The following VSNL1 variants were observed in gnomAD, a reference collection of about 807,000 sequenced individuals.
VSNL1 encodes the protein visinin like 1, also known as visinin-like protein 1.
Under a neutral mutation model 20.4 loss-of-function variants are expected in VSNL1, and 6 were observed. The ratio of observed to expected loss-of-function variants is 0.29; its 90% CI spans 0.16 to 0.58. VSNL1 has a LOEUF of 0.58. VSNL1 is among the 20% of genes least tolerant of loss of function. The pLI, the probability that VSNL1 is intolerant of heterozygous loss-of-function variation, is 0.90. For synonymous variants in VSNL1, 93 were observed against 86.4 expected (o/e 1.08, Z -0.42); for missense variants, 100 against 234.5 (o/e 0.43, Z 3.75).
At chr2:17,555,682 A>G (rs10178391) in intron 1 of VSNL1, among the ~76,000 whole-genome samples, 4,710 of 152,126 alleles carry the variant, frequency 0.031, 230 homozygotes, top group African/African-American at 0.11. Context: ...ATTTCTAATC[A>G]TTTTTTCTCC....
At chr2:17,623,141 T>A (rs923886203) in intron 2 of VSNL1, among the ~76,000 whole-genome samples, 4 of 152,182 alleles carry the variant, frequency 2.6e-5, no homozygotes, top group Non-Finnish European at 5.9e-5. Context: ...ACAAATGCTA[T>A]AAATACTTCA....
At chr2:17,591,004 C>A (rs1051235110) in intron 1 of VSNL1, among the ~76,000 whole-genome samples, 4 of 151,756 alleles carry the variant, frequency 2.6e-5, no homozygotes, top group Non-Finnish European at 5.9e-5. Context: ...TAGCAATAGT[C>A]TTATTATTAT....
chr2:17,555,675 T>C (rs1027227285), intron 1 of VSNL1, among the ~76,000 whole-genome samples: 1 of 152,136 alleles, frequency 6.6e-6, no homozygotes, highest in Non-Finnish European at 1.5e-5. Flanking sequence ...TAAATAAATT[T>C]CTAATCATTT....
chr2:17,580,047 C>T (rs150223305), intron 1 of VSNL1, among the ~76,000 whole-genome samples: 318 of 152,264 alleles, frequency 2.1e-3, no homozygotes, highest in African/African-American at 7.4e-3. Flanking sequence ...CTCTGAGGCT[C>T]AGTTTTGTCT....
intron 1 of VSNL1, among the ~76,000 whole-genome samples, chr2:17,554,008 C>T (rs1663614434): frequency 6.6e-6 from 1 of 152,110 alleles, no homozygotes; most frequent in Non-Finnish European, 1.5e-5. Flanking sequence ...CTGGGTAGAT[C>T]TAAAACCATG....
intron 2 of VSNL1, among the ~76,000 whole-genome samples, chr2:17,631,835 C>T (rs2103412618): frequency 6.6e-6 from 1 of 152,306 alleles, no homozygotes; most frequent in East Asian, 1.9e-4. Context: ...GAATGCAGAA[C>T]CATACACAGG....
At chr2:17,614,140 C>T (rs1053572632) in intron 2 of VSNL1, among the ~76,000 whole-genome samples, 4 of 152,146 alleles carry the variant, frequency 2.6e-5, no homozygotes, top group Admixed American at 6.5e-5. Context: ...ACCAGGAAGT[C>T]CTTCAGTGTG....
intron 3 of VSNL1, among the ~76,000 whole-genome samples, chr2:17,653,340 A>G (rs957470142): frequency 2.0e-5 from 3 of 152,134 alleles, no homozygotes; most frequent in Non-Finnish European, 4.4e-5. Flanking sequence ...TTAATAGTGC[A>G]CTTGTTTTGC....
chr2:17,616,426 G>A (rs977542420), intron 2 of VSNL1, among the ~76,000 whole-genome samples: 1 of 152,218 alleles, frequency 6.6e-6, no homozygotes, highest in African/African-American at 2.4e-5. Context: ...TTATGAAATG[G>A]CATAGTGTAG....
At chr2:17,606,935 C>T (rs959663315) in intron 2 of VSNL1, among the ~76,000 whole-genome samples, 3 of 152,124 alleles carry the variant, frequency 2.0e-5, no homozygotes, top group South Asian at 2.1e-4. Flanking sequence ...TGGATTTTAT[C>T]GTGTCTGTGT....
chr2:17,610,941 G>T (rs1451068413), intron 2 of VSNL1, among the ~76,000 whole-genome samples: 2 of 152,174 alleles, frequency 1.3e-5, no homozygotes, highest in Non-Finnish European at 2.9e-5. Context: ...GGCATTTTCT[G>T]ATCCTGCTGG....
chr2:17,625,160 C>T (rs1307362079), intron 2 of VSNL1, among the ~76,000 whole-genome samples: 1 of 152,204 alleles, frequency 6.6e-6, no homozygotes, highest in Non-Finnish European at 1.5e-5. Context: ...CCATGTAAGA[C>T]AGGACTTGTT....
chr2:17,568,423 A>G (rs193078060), intron 1 of VSNL1, among the ~76,000 whole-genome samples: 3 of 152,170 alleles, frequency 2.0e-5, no homozygotes, highest in Non-Finnish European at 4.4e-5. Context: ...ACATGCCACT[A>G]TGCCAGACAA....
At chr2:17,635,812 T>C (rs1665735340) in intron 2 of VSNL1, among the ~76,000 whole-genome samples, 1 of 152,170 alleles carries the variant, frequency 6.6e-6, no homozygotes, top group Non-Finnish European at 1.5e-5. Context: ...TGCCTGACAC[T>C]GTACAAAATG....
rs1012130070 is a variant in VSNL1 at position 17,616,309 on chromosome 2, T to C, written c.162+24073T>C. ...CAAGAGTGAAGCCCAGCAGGTTCCA[T>C]GTGGCTTCTTGACTCTGCGTGGCCC... On this transcript the variant is annotated intron_variant, in intron 2 of 3. Transcript: ENST00000295156. 4.0e-4 allele frequency among the ~76,000 whole-genome samples: 61 copies of C among 152,250 alleles called. 1 individual carries two copies. The highest frequency in any genetic ancestry group is 1.2e-4 in the Non-Finnish European group (8 of 68,038).
intron 1 of VSNL1, among the ~76,000 whole-genome samples, chr2:17,564,144 ATTTG>A (rs1663881167): frequency 6.6e-6 from 1 of 152,154 alleles, no homozygotes; most frequent in African/African-American, 2.4e-5. Context: ...GCTTTCTTTT[ATTTG>A]TTCTGGCCTA....
At position 17,585,058 on chromosome 2, in the gene VSNL1, A is replaced by T. The variant is rs187221640; in HGVS notation, c.-5-7012A>T. 3.9e-3 allele frequency among the ~76,000 whole-genome samples: 592 copies of T among 152,200 alleles called. 5 individuals are homozygous for T. Among genetic ancestry groups the T allele is most frequent in the African/African-American group, 0.013 (555 of 41,538 alleles). ...TATTTTCCCTCACTTATTATAGATT[A>T]AAAAAATATGTTTGCCTTATCTTGA... is the stretch of plus-strand genomic sequence containing the variant. On this transcript the variant is annotated intron_variant, in intron 1 of 3. Transcript: ENST00000295156.
At chr2:17,605,858 C>T (rs900167987) in intron 2 of VSNL1, among the ~76,000 whole-genome samples, 13 of 152,316 alleles carry the variant, frequency 8.5e-5, no homozygotes, top group East Asian at 1.9e-4. Context: ...AGATACTTTA[C>T]GTCCTTTCTA....
At chr2:17,640,126 T>G (rs1054356164) in intron 2 of VSNL1, among the ~76,000 whole-genome samples, 3 of 152,066 alleles carry the variant, frequency 2.0e-5, no homozygotes, top group Non-Finnish European at 2.9e-5. Flanking sequence ...GGCACATGCC[T>G]GTAATCCCAG....
Sources: gnomAD v4.1 joint callset for allele counts (sites outside exome capture counted in the v4.1 genomes callset) on GRCh38, gnomAD v4.1.1 for gene constraint, MANE v1.5 for transcripts, NCBI Gene and HGNC (gene_info 2026-07-23, HGNC 2026-07-21) for gene names.